TRIM69: variants seen among roughly 807,000 people sequenced by gnomAD.
TRIM69 encodes the protein E3 ubiquitin-protein ligase TRIM69.
TRIM69 carries 29 observed loss-of-function variants against 37.7 expected under a neutral mutation model. The observed-to-expected ratio is 0.77, with a 90% CI of 0.57 to 1.05. The LOEUF is 1.05. TRIM69 is among the 50% of genes least tolerant of loss of function. TRIM69 has a pLI of 0.00. For synonymous variants in TRIM69, 209 were observed against 212.4 expected, an observed-to-expected ratio of 0.98 and a Z score of 0.14; for missense variants, 596 against 579.9, an observed-to-expected ratio of 1.03 and a Z score of -0.28.
At chr15:44,750,489 G>A (rs942460809) in intron 1 of TRIM69, among the ~76,000 whole-genome samples, 4 of 152,002 alleles carry the variant, frequency 2.6e-5, no homozygotes, top group African/African-American at 9.7e-5. Flanking sequence ...TGTGCTTCTG[G>A]AAATTTTCCA....
rs572149601 is a variant in TRIM69, at chr15:44,738,593, T to A, written c.6+1883T>A. Among the ~76,000 whole-genome samples, 18 of 152,346 alleles carry A rather than the reference T, an allele frequency of 1.2e-4. No homozygotes were observed. The South Asian group carries it at 3.7e-3, about 32-fold the overall frequency. ...CTCCCTCTAGAGCAGTAGGAAGTTATTGCAGATATTTTGCTTCACAAATTT... is the reference window on the plus strand; with the variant it reads ...CTCCCTCTAGAGCAGTAGGAAGTTAATGCAGATATTTTGCTTCACAAATTT... On this transcript the variant is annotated intron_variant, in intron 1 of 6. Coordinates refer to ENST00000329464, the MANE Select transcript of TRIM69 (RefSeq NM_182985.5).
intron 1 of TRIM69, among the ~76,000 whole-genome samples, chr15:44,750,738 T>TGAGACAGAG: frequency 7.5e-6 from 1 of 132,930 alleles, no homozygotes; most frequent in Non-Finnish European, 1.6e-5. Flanking sequence ...TTTTTTTTTT[T>TGAGACAGAG]TTTTGAGACG....
chr15:44,750,785 C>T (rs1391374030), intron 1 of TRIM69, among the ~76,000 whole-genome samples: 9 of 124,326 alleles, frequency 7.2e-5, no homozygotes, highest in African/African-American at 1.9e-4. Flanking sequence ...AGTGCAGTGG[C>T]GCGATCTTGG....
At chr15:44,739,513 G>A (rs2087234472) in intron 1 of TRIM69, among the ~76,000 whole-genome samples, 1 of 152,198 alleles carries the variant, frequency 6.6e-6, no homozygotes, top group African/African-American at 2.4e-5. Flanking sequence ...GGAAAATTGG[G>A]TCACTCCCAC....
In TRIM69 at chr15:44,767,475, G is replaced by A; in HGVS notation, c.1206G>A (p.Lys402=). 9 of 1,614,174 alleles carry A rather than the reference G, an allele frequency of 5.6e-6. No individual in the cohort carries two copies. Among genetic ancestry groups the A allele is most frequent in the South Asian group, 1.1e-5 (1 of 91,070 alleles). The change falls in exon 7 of 7, where the codon AAG becomes AAA. Residue 402 remains lysine, a synonymous_variant. Coordinates refer to ENST00000329464, the MANE Select transcript of TRIM69 (RefSeq NM_182985.5). ...TTGTCAGAGAATCCATCATTCGGAA[G>A]GGCAGCTGTCCTCTAACTCCTGAGC... ...VGVVRESIIR[K]GSCPLTPEQG...
rs532402532 is a variant in TRIM69, at chr15:44,736,806, G to C, written c.6+96G>C. On this transcript the variant is annotated intron_variant, in intron 1 of 6. Transcript: ENST00000329464. Reference sequence around the variant, plus strand: ...AGGATATGGATTTAGGAGCACAAAAGGAAATTCATGAAGGGAAGTATTTAA... The same window carrying C: ...AGGATATGGATTTAGGAGCACAAAACGAAATTCATGAAGGGAAGTATTTAA... 4.9e-6 allele frequency: 7 copies of C among 1,437,650 alleles called. No individual in the cohort carries two copies. The East Asian group carries it at 1.2e-4, about 24-fold the overall frequency. 89.1% of individuals were successfully genotyped at this position (1,437,650 alleles called of 1,614,324 possible).
chr15:44,744,996 T>C (rs8026572), intron 1 of TRIM69, among the ~76,000 whole-genome samples: 117 of 150,152 alleles, frequency 7.8e-4, no homozygotes, highest in African/African-American at 2.8e-3. Flanking sequence ...TTTTGGGGAA[T>C]ACCCTTTGAA....
In TRIM69 at chr15:44,758,866, C is replaced by T; in HGVS notation, c.813+12C>T. 6.2e-7 allele frequency: 1 copy of T among 1,605,484 alleles called. No homozygotes were observed. Among genetic ancestry groups the T allele is most frequent in the African/African-American group, 1.3e-5 (1 of 74,862 alleles). ...TCGACTTTCTCAAAGTGAGAATCCA[C>T]ACCAATATGATTATGGGTACCTTCC... On this transcript the variant is annotated intron_variant, in intron 4 of 6. Transcript: ENST00000329464.
In TRIM69 at chr15:44,767,662, A is replaced by C; in HGVS notation, c.1393A>C (p.Ile465Leu). Residue 465 changes from isoleucine (I) to leucine (L), a missense_variant, in exon 7 of 7, where the codon ATT becomes CTT. Ile to Leu is a conservative substitution (Grantham distance 5). Coordinates refer to ENST00000329464, the MANE Select transcript of TRIM69 (RefSeq NM_182985.5). ...CTACAATGCTAAAACCATGACTCAC[A>C]TTTACACCTTCAGTAACACTTTCAT... ...SFYNAKTMTH[I>L]YTFSNTFMEK... The C allele has an allele frequency of 6.2e-7, 1 of 1,614,170 alleles. No individual in the cohort carries two copies. The highest frequency in any genetic ancestry group is 8.5e-7 in the Non-Finnish European group (1 of 1,180,014).
At chr15:44,752,668 T>A (rs1373207486) in intron 1 of TRIM69, among the ~76,000 whole-genome samples, 1 of 152,208 alleles carries the variant, frequency 6.6e-6, no homozygotes, top group African/African-American at 2.4e-5. Context: ...TTATTTTCTG[T>A]ATGTGCTTTT....
chr15:44,761,272 T>G (rs1646005591), intron 6 of TRIM69, among the ~76,000 whole-genome samples: 1 of 152,164 alleles, frequency 6.6e-6, no homozygotes, highest in Admixed American at 6.5e-5. Context: ...TCATGATTAT[T>G]TATTCAGTTT....
In TRIM69 at chr15:44,756,482, G is replaced by A. The variant is rs1226961596; in HGVS notation, c.579+19G>A. ...TCACAAGGTGAGGAGCAAGAAAGAG[G>A]GGTTATGAGATAGAACTGGAACACA... On this transcript the variant is annotated intron_variant, in intron 3 of 6. Coordinates refer to ENST00000329464, the MANE Select transcript of TRIM69 (RefSeq NM_182985.5). 1.3e-6 allele frequency: 2 copies of A among 1,519,406 alleles called. No homozygotes were observed. Among genetic ancestry groups the A allele is most frequent in the South Asian group, 2.4e-5 (2 of 83,364 alleles). 94.1% of individuals were successfully genotyped at this position (1,519,406 alleles called of 1,614,324 possible). A position where few individuals can be genotyped will look rare whatever the true frequency, so the allele number is the denominator to read the frequency against.
intron 1 of TRIM69, among the ~76,000 whole-genome samples, chr15:44,746,902 A>G (rs1430299902): frequency 6.6e-6 from 1 of 152,200 alleles, no homozygotes; most frequent in Non-Finnish European, 1.5e-5. Flanking sequence ...TAAGTCAAAA[A>G]CCACAAGGAG....
At chr15:44,745,847 T>A (rs1466832445) in intron 1 of TRIM69, among the ~76,000 whole-genome samples, 2 of 152,034 alleles carry the variant, frequency 1.3e-5, no homozygotes, top group African/African-American at 2.4e-5. Flanking sequence ...ATTGAGATTA[T>A]GCTGAAGATC....
At chr15:44,765,201 C>T (rs2087860126) in intron 6 of TRIM69, among the ~76,000 whole-genome samples, 1 of 152,148 alleles carries the variant, frequency 6.6e-6, no homozygotes, top group Admixed American at 6.5e-5. Flanking sequence ...GTTATATGAA[C>T]GTGGCATGAG....
Position 44,767,447 on chromosome 15 carries a change from G to T in TRIM69, c.1178G>T (p.Gly393Val), listed in dbSNP as rs758103609. The T allele has an allele frequency of 1.2e-6, 2 of 1,614,198 alleles. No individual in the cohort carries two copies. Among genetic ancestry groups the T allele is most frequent in the Non-Finnish European group, 1.7e-6 (2 of 1,180,042 alleles). ...EVAKKTKWTV[G>V]VVRESIIRKG... ...GCAAAGAAGACAAAATGGACAGTTG[G>T]AGTTGTCAGAGAATCCATCATTCGG... Residue 393 changes from glycine (G) to valine (V), a missense_variant, in exon 7 of 7, where the codon GGA becomes GTA. Gly to Val is a moderately radical substitution (Grantham distance 109). Transcript: ENST00000329464.
chr15:44,749,809 C>T (rs1381387033), intron 1 of TRIM69, among the ~76,000 whole-genome samples: 2 of 152,172 alleles, frequency 1.3e-5, no homozygotes, highest in Admixed American at 6.5e-5. Context: ...AACTGCCAAA[C>T]TGATTTCCAC....
intron 1 of TRIM69, among the ~76,000 whole-genome samples, chr15:44,751,367 C>T (rs533592379): frequency 3.3e-5 from 5 of 152,206 alleles, no homozygotes; most frequent in Admixed American, 1.3e-4. Flanking sequence ...CTGCCCACCT[C>T]GGCCTCCCAA....
intron 1 of TRIM69, among the ~76,000 whole-genome samples, chr15:44,742,813 G>C (rs2087320637): frequency 6.6e-6 from 1 of 150,986 alleles, no homozygotes; most frequent in Admixed American, 6.6e-5. Context: ...TGAAATAAAA[G>C]AGGACACAAA....
Sources: allele counts gnomAD v4.1 joint callset (sites outside exome capture counted in the v4.1 genomes callset), GRCh38; gene constraint gnomAD v4.1.1; transcripts MANE v1.5; gene names NCBI Gene and HGNC (gene_info 2026-07-23, HGNC 2026-07-21).